Variants in SULT4A1 observed in about 807,000 individuals in gnomAD.
SULT4A1 encodes the protein sulfotransferase 4A1.
SULT4A1 carries 11 observed loss-of-function variants against 35.2 expected under a neutral mutation model. That is an observed-to-expected ratio of 0.31 (90% CI 0.20 to 0.52). The LOEUF is 0.52. Among genes scored for constraint, SULT4A1 ranks in the 20% least tolerant of loss-of-function variants. The pLI, the probability that SULT4A1 is intolerant of heterozygous loss-of-function variation, is 0.97. For synonymous variants in SULT4A1, 152 were observed against 151.8 expected, an observed-to-expected ratio of 1.00 and a Z score of -0.01; for missense variants, 271 against 383.7, an observed-to-expected ratio of 0.71 and a Z score of 2.45.
chr22:43,853,113 CCA>C (rs1163957603), intron 1 of SULT4A1, among the ~76,000 whole-genome samples: 1 of 151,810 alleles, frequency 6.6e-6, no homozygotes, highest in East Asian at 1.9e-4. Flanking sequence ...CACACACACA[CCA>C]GACACAGACC....
intron 4 of SULT4A1, among the ~76,000 whole-genome samples, chr22:43,835,934 G>C (rs2063368237): frequency 6.6e-6 from 1 of 152,232 alleles, no homozygotes; most frequent in Non-Finnish European, 1.5e-5. Context: ...TGGGTGGAGA[G>C]CCTTCCCACC....
intron 1 of SULT4A1, among the ~76,000 whole-genome samples, chr22:43,859,220 CCT>C (rs2049438065): frequency 6.6e-6 from 1 of 152,188 alleles, no homozygotes; most frequent in Non-Finnish European, 1.5e-5. Context: ...AGCTTCAACC[CCT>C]GAGTTGTCTG....
At chr22:43,854,787 T>C (rs2148305408) in intron 1 of SULT4A1, among the ~76,000 whole-genome samples, 1 of 152,092 alleles carries the variant, frequency 6.6e-6, no homozygotes, top group South Asian at 2.1e-4. Context: ...AGCCCCAGGG[T>C]TCCACAGAGG....
At chr22:43,847,215 C>T (rs915951783) in intron 1 of SULT4A1, among the ~76,000 whole-genome samples, 3 of 152,228 alleles carry the variant, frequency 2.0e-5, no homozygotes, top group Admixed American at 1.3e-4. Context: ...ACACACACCA[C>T]GAAACACGCA....
At chr22:43,846,197 T>G (rs2063475895) in intron 1 of SULT4A1, among the ~76,000 whole-genome samples, 1 of 152,214 alleles carries the variant, frequency 6.6e-6, no homozygotes. Context: ...CTGGTGTCCC[T>G]GCCTGGAGCC....
rs1251155842 is a variant in SULT4A1, at chr22:43,824,620, G to T, written c.*1381C>A. Reference sequence around the variant, plus strand: ...AGAAAAATATAAATGAAATTTCACAGAAAGCAGCCTCCCTCACAGAAACAC... The same window carrying T: ...AGAAAAATATAAATGAAATTTCACATAAAGCAGCCTCCCTCACAGAAACAC... On this transcript the variant is annotated 3_prime_UTR_variant, in exon 7 of 7. Transcript: ENST00000330884. The T allele has an allele frequency of 6.6e-6, 1 of 152,254 alleles. No individual in the cohort carries two copies. Among genetic ancestry groups the T allele is most frequent in the Non-Finnish European group, 1.5e-5 (1 of 68,060 alleles). The allele number at this position is 152,254 out of a possible 1,614,324, so 9.4% of individuals were successfully genotyped here. A position where few individuals can be genotyped will look rare whatever the true frequency, so the allele number is the denominator to read the frequency against.
intron 1 of SULT4A1, among the ~76,000 whole-genome samples, chr22:43,847,659 G>A (rs1168057684): frequency 6.6e-6 from 1 of 150,788 alleles, no homozygotes; most frequent in African/African-American, 2.4e-5. Context: ...TCAACAGGCT[G>A]CCCTCTGCCT....
Position 43,838,930 on chromosome 22 carries a change from G to A in SULT4A1, c.445C>T (p.Leu149=). Residue 149 remains leucine (L), a synonymous_variant, in exon 4 of 7, where the codon CTG becomes TTG. Coordinates refer to ENST00000330884, the MANE Select transcript of SULT4A1 (RefSeq NM_014351.4). ...GTGCCTCGGTAGCTCATGGTCCGCA[G>A]AGAGCGGTGGAACTGATAATAAGAC... ...VVSYYQFHRS[L]RTMSYRGTFQ... The A allele has an allele frequency of 6.2e-7, 1 of 1,614,226 alleles. No homozygotes were observed. Among genetic ancestry groups the A allele is most frequent in the Non-Finnish European group, 8.5e-7 (1 of 1,180,030 alleles).
intron 6 of SULT4A1, chr22:43,827,358 A>G (rs1350997016): frequency 1.0e-6 from 1 of 985,302 alleles, no homozygotes; most frequent in African/African-American, 1.7e-5. Flanking sequence ...ACAAAAAATT[A>G]TCAGTGTTGG....
Position 43,826,118 on chromosome 22 carries a change from A to G in SULT4A1, c.743-5T>C. On this transcript the variant is annotated splice_polypyrimidine_tract_variant and splice_region_variant and intron_variant, in intron 6 of 6. Coordinates refer to ENST00000330884, the MANE Select transcript of SULT4A1 (RefSeq NM_014351.4). ...CCTTCCACAGCCCAACTCTTCCTGA[A>G]ACGCAAACAAGAGAACTGCTGGGGC... is the stretch of plus-strand genomic sequence containing the variant. 1 of 1,613,886 alleles carries G rather than the reference A, an allele frequency of 6.2e-7. No individual in the cohort carries two copies. The highest frequency in any genetic ancestry group is 8.5e-7 in the Non-Finnish European group (1 of 1,179,952).
chr22:43,840,289 G>A (rs1261506256), intron 2 of SULT4A1, among the ~76,000 whole-genome samples: 3 of 151,510 alleles, frequency 2.0e-5, no homozygotes, highest in Admixed American at 6.6e-5. Context: ...GGGGAGAACG[G>A]TAGGGGTCAG....
intron 1 of SULT4A1, among the ~76,000 whole-genome samples, chr22:43,842,290 G>A (rs1350557609): frequency 1.3e-5 from 2 of 152,130 alleles, no homozygotes; most frequent in Admixed American, 6.5e-5. Context: ...ATGATGGGTC[G>A]GGGGAATGAC....
chr22:43,842,778 G>A (rs904156685), intron 1 of SULT4A1, among the ~76,000 whole-genome samples: 1 of 152,192 alleles, frequency 6.6e-6, no homozygotes, highest in African/African-American at 2.4e-5. Flanking sequence ...TACTGATTCA[G>A]AGAAGACACA....
At chr22:43,838,336 G>A (rs1325873941) in intron 4 of SULT4A1, among the ~76,000 whole-genome samples, 2 of 152,188 alleles carry the variant, frequency 1.3e-5, no homozygotes, top group Non-Finnish European at 2.9e-5. Context: ...TCCTCCCTGC[G>A]GGCACAAGTG....
chr22:43,859,936 T>C (rs1603410543), intron 1 of SULT4A1, among the ~76,000 whole-genome samples: 1 of 152,206 alleles, frequency 6.6e-6, no homozygotes, highest in Non-Finnish European at 1.5e-5. Flanking sequence ...TAACCCGCCA[T>C]CTAAGCTAGA....
Position 43,825,485 on chromosome 22 carries a change from C to T in SULT4A1, c.*516G>A, listed in dbSNP as rs1224911902. Reference sequence around the variant, plus strand: ...ATTCCCCCCAACAGACCCAACTCATCCTCTGTTCTCACCACTATCTCAGAA... The same window carrying T: ...ATTCCCCCCAACAGACCCAACTCATTCTCTGTTCTCACCACTATCTCAGAA... On this transcript the variant is annotated 3_prime_UTR_variant, in exon 7 of 7. Transcript: ENST00000330884. 6.5e-6 allele frequency: 1 copy of T among 152,682 alleles called. No homozygotes were observed. Among genetic ancestry groups the T allele is most frequent in the East Asian group, 1.9e-4 (1 of 5,214 alleles). 9.5% of individuals were successfully genotyped at this position (152,682 alleles called of 1,614,324 possible).
chr22:43,827,768 C>CAT, intron 6 of SULT4A1: 1 of 459,302 alleles, frequency 2.2e-6, no homozygotes, highest in Non-Finnish European at 4.0e-6. Context: ...CACACACACA[C>CAT]ACACACACAC....
intron 1 of SULT4A1, among the ~76,000 whole-genome samples, chr22:43,856,489 TGCAGA>T (rs2049402176): frequency 1.3e-5 from 2 of 152,148 alleles, no homozygotes; most frequent in Non-Finnish European, 2.9e-5. Flanking sequence ...ACATGGAGCC[TGCAGA>T]AGACTGCAGC....
At chr22:43,836,900 G>A (rs1003399669) in intron 4 of SULT4A1, among the ~76,000 whole-genome samples, 1 of 150,536 alleles carries the variant, frequency 6.6e-6, no homozygotes, top group African/African-American at 2.4e-5. Context: ...CACAGCGTCC[G>A]CACACTGCAG....
Sources: gnomAD v4.1 joint callset for allele counts (sites outside exome capture counted in the v4.1 genomes callset) on GRCh38, gnomAD v4.1.1 for gene constraint, MANE v1.5 for transcripts, NCBI Gene and HGNC (gene_info 2026-07-23, HGNC 2026-07-21) for gene names.